TNFSF4: variants seen among roughly 807,000 people sequenced by gnomAD.
TNFSF4 encodes the protein tumor necrosis factor ligand superfamily member 4.
TNFSF4 carries 4 observed loss-of-function variants against 7.3 expected under a neutral mutation model. That is an observed-to-expected ratio of 0.55 (90% CI 0.27 to 1.25). The LOEUF is 1.25. TNFSF4 is among the 50% of genes most tolerant of loss of function. TNFSF4 has a pLI of 0.12. For missense variants in TNFSF4, 181 were observed against 208.8 expected (o/e 0.87, Z 0.82); for synonymous variants, 76 against 83.7 (o/e 0.91, Z 0.50).
chr1:173,350,273 T>G, the TNFSF4 span, among the ~76,000 whole-genome samples: 1 of 152,182 alleles, frequency 6.6e-6, no homozygotes. Context: ...CTGGCATTAT[T>G]AAAATGGGTT....
the TNFSF4 span, among the ~76,000 whole-genome samples, chr1:173,253,605 G>C: frequency 6.6e-6 from 1 of 152,212 alleles, no homozygotes; most frequent in Non-Finnish European, 1.5e-5. Context: ...GTAACAAAGA[G>C]AGAACTGAGC....
At chr1:173,251,654 T>A in the TNFSF4 span, among the ~76,000 whole-genome samples, 1 of 152,210 alleles carries the variant, frequency 6.6e-6, no homozygotes, top group African/African-American at 2.4e-5. Context: ...ATTTTCCTTA[T>A]ATGTACAATA....
the TNFSF4 span, among the ~76,000 whole-genome samples, chr1:173,281,614 T>C: frequency 6.6e-6 from 1 of 152,126 alleles, no homozygotes; most frequent in Non-Finnish European, 1.5e-5. Context: ...CTATAATGGC[T>C]CTCTTTTTTA....
chr1:173,252,580 C>T, the TNFSF4 span, among the ~76,000 whole-genome samples: 20 of 151,960 alleles, frequency 1.3e-4, no homozygotes, highest in Non-Finnish European at 2.4e-4. Flanking sequence ...GTTTACTTGC[C>T]TTGCATAGGA....
At chr1:173,205,260 C>CA (rs1187388799) in intron 1 of TNFSF4, 2 of 1,603,504 alleles carry the variant, frequency 1.2e-6, no homozygotes, top group African/African-American at 2.7e-5. Context: ...GTCTTGCTTC[C>CA]ATCTCTGTGC....
the TNFSF4 span, among the ~76,000 whole-genome samples, chr1:173,398,111 G>A: frequency 6.6e-6 from 1 of 152,176 alleles, no homozygotes; most frequent in African/African-American, 2.4e-5. Flanking sequence ...TTAAGGCAAG[G>A]TCATCAGTAC....
chr1:173,369,282 A>G, the TNFSF4 span, among the ~76,000 whole-genome samples: 1 of 152,226 alleles, frequency 6.6e-6, no homozygotes, highest in Non-Finnish European at 1.5e-5. Flanking sequence ...TACTAACAGA[A>G]GAAAAGGCTT....
At chr1:173,235,660 T>C in the TNFSF4 span, among the ~76,000 whole-genome samples, 1 of 152,218 alleles carries the variant, frequency 6.6e-6, no homozygotes, top group Non-Finnish European at 1.5e-5. Flanking sequence ...ATGTGCACAA[T>C]GGCCTGGGCA....
At chr1:173,358,195 A>C in the TNFSF4 span, among the ~76,000 whole-genome samples, 1 of 152,214 alleles carries the variant, frequency 6.6e-6, no homozygotes, top group Non-Finnish European at 1.5e-5. Context: ...GAATTTGGGC[A>C]GCTTCTTGAA....
At chr1:173,426,729 A>G in the TNFSF4 span, among the ~76,000 whole-genome samples, 1 of 152,094 alleles carries the variant, frequency 6.6e-6, no homozygotes, top group East Asian at 1.9e-4. Context: ...AGTAGCTGGG[A>G]CTACAGGTAC....
At chr1:173,219,751 T>C in the TNFSF4 span, among the ~76,000 whole-genome samples, 1 of 151,998 alleles carries the variant, frequency 6.6e-6, no homozygotes, top group Admixed American at 6.6e-5. Context: ...TTTGCAGCAA[T>C]CTGGATGAAA....
intron 1 of TNFSF4, among the ~76,000 whole-genome samples, chr1:173,194,880 CAA>C (rs11406483): frequency 2.3e-4 from 17 of 74,306 alleles, no homozygotes; most frequent in South Asian, 4.8e-4. Flanking sequence ...GAACTTGTCT[CAA>C]AAAAAAAAAA....
chr1:173,442,011 AG>A, the TNFSF4 span: 1 of 152,234 alleles, frequency 6.6e-6, no homozygotes, highest in African/African-American at 2.4e-5. Context: ...GCTCCAAAGC[AG>A]GGCTGGAGAG....
the TNFSF4 span, among the ~76,000 whole-genome samples, chr1:173,403,939 GTGTT>G: frequency 6.6e-6 from 1 of 151,438 alleles, no homozygotes; most frequent in Non-Finnish European, 1.5e-5. Flanking sequence ...TTTTCATTTT[GTGTT>G]TGTTTGTTTA....
chr1:173,256,637 C>A, the TNFSF4 span, among the ~76,000 whole-genome samples: 1 of 152,130 alleles, frequency 6.6e-6, no homozygotes, highest in African/African-American at 2.4e-5. Context: ...AGATTCTGGC[C>A]TTAGGGGCAA....
At chr1:173,404,816 G>A in the TNFSF4 span, among the ~76,000 whole-genome samples, 2 of 151,986 alleles carry the variant, frequency 1.3e-5, no homozygotes, top group African/African-American at 4.8e-5. Context: ...ATTTTTAGTA[G>A]AAATGGGGTT....
the TNFSF4 span, among the ~76,000 whole-genome samples, chr1:173,440,163 G>A: frequency 6.6e-6 from 1 of 152,112 alleles, no homozygotes; most frequent in Non-Finnish European, 1.5e-5. Flanking sequence ...ACCTTCTTCC[G>A]TTGCATGGAC....
the TNFSF4 span, among the ~76,000 whole-genome samples, chr1:173,309,310 CTG>C: frequency 6.6e-6 from 1 of 151,792 alleles, no homozygotes; most frequent in Admixed American, 6.6e-5. Context: ...CAAAGGGAAA[CTG>C]TAACATTTCA....
downstream of TNFSF4, among the ~76,000 whole-genome samples, chr1:173,182,087 T>C (rs146309278): frequency 1.3e-3 from 198 of 152,318 alleles, no homozygotes; most frequent in African/African-American, 4.7e-3. Context: ...ACCACCCCAG[T>C]ATGGTCTTTA....
Sources: gnomAD v4.1 joint callset for allele counts (sites outside exome capture counted in the v4.1 genomes callset) on GRCh38, gnomAD v4.1.1 for gene constraint, MANE v1.5 for transcripts, NCBI Gene and HGNC (gene_info 2026-07-23, HGNC 2026-07-21) for gene names.